RALGAPA1: variants seen among roughly 807,000 people sequenced by gnomAD.
RALGAPA1 encodes Ral GTPase activating protein catalytic subunit alpha 1, also known as ral GTPase-activating protein subunit alpha-1.
Under a neutral mutation model 269.6 loss-of-function variants are expected in RALGAPA1, and 52 were observed. The ratio of observed to expected loss-of-function variants is 0.19; its 90% CI spans 0.15 to 0.24. RALGAPA1 has a LOEUF of 0.24. Among genes scored for constraint, RALGAPA1 ranks in the 10% least tolerant of loss-of-function variants. The pLI is 1.00. For synonymous variants in RALGAPA1, 817 were observed against 1,008.3 expected, an observed-to-expected ratio of 0.81 and a Z score of 3.60; for missense variants, 1,917 against 3,013.9, an observed-to-expected ratio of 0.64 and a Z score of 8.52.
At chr14:35,741,219 TG>T in intron 11 of RALGAPA1, among the ~76,000 whole-genome samples, 1 of 152,192 alleles carries the variant, frequency 6.6e-6, no homozygotes, top group Non-Finnish European at 1.5e-5. Context: ...TCATTATATA[TG>T]GCACATCATG....
At chr14:35,584,540 C>T (rs1369546248) in intron 37 of RALGAPA1, among the ~76,000 whole-genome samples, 2 of 152,162 alleles carry the variant, frequency 1.3e-5, no homozygotes, top group African/African-American at 4.8e-5. Flanking sequence ...GCTGGGATTA[C>T]AGGTGTTAGC....
At chr14:35,661,656 T>C (rs921268403) in intron 27 of RALGAPA1, among the ~76,000 whole-genome samples, 8 of 152,186 alleles carry the variant, frequency 5.3e-5, no homozygotes, top group Non-Finnish European at 1.0e-4. Context: ...ATACATTCAT[T>C]CAATAAGCAT....
At chr14:35,692,844 T>A (rs1042710294) in intron 17 of RALGAPA1, among the ~76,000 whole-genome samples, 2 of 151,934 alleles carry the variant, frequency 1.3e-5, no homozygotes, top group Non-Finnish European at 2.9e-5. Context: ...GTTGAGCAAA[T>A]ATATACAGCT....
intron 10 of RALGAPA1, among the ~76,000 whole-genome samples, chr14:35,746,226 A>C (rs1209057823): frequency 6.6e-6 from 1 of 152,208 alleles, no homozygotes; most frequent in East Asian, 1.9e-4. Context: ...ATAAAAACAG[A>C]GTAGAATGGT....
At chr14:35,765,113 T>C (rs2074039275) in intron 4 of RALGAPA1, among the ~76,000 whole-genome samples, 1 of 152,216 alleles carries the variant, frequency 6.6e-6, no homozygotes, top group East Asian at 1.9e-4. Context: ...TAAAATGCCA[T>C]CTCAATCATA....
At chr14:35,576,356 T>C (rs893028256) in intron 37 of RALGAPA1, among the ~76,000 whole-genome samples, 3 of 152,220 alleles carry the variant, frequency 2.0e-5, no homozygotes, top group Non-Finnish European at 2.9e-5. Flanking sequence ...GCAGGTACAA[T>C]TGACTGCTAG....
intron 11 of RALGAPA1, among the ~76,000 whole-genome samples, chr14:35,740,136 T>C (rs2071410947): frequency 6.6e-6 from 1 of 152,180 alleles, no homozygotes; most frequent in Admixed American, 6.5e-5. Flanking sequence ...ATTCCCTGAT[T>C]TCCCCAAGCA....
chr14:35,665,042 C>T (rs1403951852), intron 26 of RALGAPA1, among the ~76,000 whole-genome samples: 1 of 152,132 alleles, frequency 6.6e-6, no homozygotes, highest in African/African-American at 2.4e-5. Flanking sequence ...TATCTACAAG[C>T]ATCAATTCAC....
intron 1 of RALGAPA1, among the ~76,000 whole-genome samples, chr14:35,794,450 T>G (rs2076412386): frequency 6.6e-6 from 1 of 152,160 alleles, no homozygotes; most frequent in African/African-American, 2.4e-5. Flanking sequence ...CTATTTTTTT[T>G]GTTTTCTTTT....
At chr14:35,674,473 T>C (rs1211061616) in intron 23 of RALGAPA1, 43 bp downstream of exon 23, 1 of 1,521,278 alleles carries the variant, frequency 6.6e-7, no homozygotes, top group African/African-American at 1.4e-5. Context: ...TTTTTAAATA[T>C]TTTTATTTTC....
chr14:35,762,738 T>G lies in RALGAPA1; in HGVS notation c.341A>C (p.Lys114Thr), dbSNP rs773120716. 2.0e-6 allele frequency: 3 copies of G among 1,508,628 alleles called. No homozygotes were observed. Among genetic ancestry groups the G allele is most frequent in the Non-Finnish European group, 2.8e-6 (3 of 1,084,314 alleles). The allele number at this position is 1,508,628 out of a possible 1,614,324, so 93.5% of individuals were successfully genotyped here. Residue 114 changes from lysine (K) to threonine (T), a missense_variant, in exon 5 of 42, where the codon AAG becomes ACG. Lys to Thr is a moderately conservative substitution (Grantham distance 78). Transcript: ENST00000680220. ...QFHSIGLILK[K>T]LLHTGNSLKI... is the part of the protein sequence containing the mutation. ...TAAGGAGTTTCCTGTGTGAAGTAGC[T>G]TCTTTAAAATCAATCCTGAAAAGAA...
In RALGAPA1 at chr14:35,806,472, C is replaced by T. The variant is rs191530577; in HGVS notation, c.106+2258G>A. ...TTATGCAACAGTATCAATAAACATACCAGATTTAAATCTAAATCTTCAGAG... is the reference window on the plus strand; with the variant it reads ...TTATGCAACAGTATCAATAAACATATCAGATTTAAATCTAAATCTTCAGAG... On this transcript the variant is annotated intron_variant, in intron 1 of 41. Transcript: ENST00000680220. Among the ~76,000 whole-genome samples, 171 of 152,220 alleles carry T rather than the reference C, an allele frequency of 1.1e-3. 2 individuals carry two copies. The East Asian group carries it at 0.03, about 27-fold the overall frequency.
intron 1 of RALGAPA1, among the ~76,000 whole-genome samples, chr14:35,798,901 C>CA (rs1249726816): frequency 6.7e-6 from 1 of 149,626 alleles, no homozygotes; most frequent in African/African-American, 2.5e-5. Context: ...CAGACTGAGG[C>CA]AAAAGAATCG....
chr14:35,683,061 C>T (rs1566992416), intron 21 of RALGAPA1, among the ~76,000 whole-genome samples: 2 of 152,156 alleles, frequency 1.3e-5, no homozygotes, highest in Admixed American at 1.3e-4. Flanking sequence ...GCAAAATCAC[C>T]CCATGGATAA....
chr14:35,545,149 C>T (rs2054340818), intron 41 of RALGAPA1, among the ~76,000 whole-genome samples: 1 of 152,094 alleles, frequency 6.6e-6, no homozygotes, highest in South Asian at 2.1e-4. Flanking sequence ...TATAAAATAA[C>T]TATCTTCTAA....
chr14:35,571,179 T>C (rs2057158125), intron 38 of RALGAPA1, among the ~76,000 whole-genome samples: 1 of 152,226 alleles, frequency 6.6e-6, no homozygotes, highest in South Asian at 2.1e-4. Context: ...ATTACACAGT[T>C]TATTAGAAAA....
chr14:35,664,536 C>T (rs977832544), intron 27 of RALGAPA1, 106 bp downstream of exon 27: 4 of 899,586 alleles, frequency 4.4e-6, no homozygotes, highest in Non-Finnish European at 6.6e-6. Context: ...TGTTCTTTAA[C>T]AATTGTGTGG....
chr14:35,606,850 G>C (rs2059628426), intron 35 of RALGAPA1, among the ~76,000 whole-genome samples: 2 of 152,096 alleles, frequency 1.3e-5, no homozygotes, highest in South Asian at 4.2e-4. Context: ...CACGTCTGGA[G>C]TAAGTTACCA....
At chr14:35,794,026 A>C (rs546164017) in intron 1 of RALGAPA1, among the ~76,000 whole-genome samples, 5 of 152,208 alleles carry the variant, frequency 3.3e-5, no homozygotes, top group Non-Finnish European at 7.3e-5. Context: ...ATTCTTCATA[A>C]ATATATAAAG....
Sources: allele counts gnomAD v4.1 joint callset (sites outside exome capture counted in the v4.1 genomes callset), GRCh38; gene constraint gnomAD v4.1.1; transcripts MANE v1.5; gene names NCBI Gene and HGNC (gene_info 2026-07-23, HGNC 2026-07-21).